Variants in RGS7BP observed in about 807,000 individuals in gnomAD.
RGS7BP encodes the protein regulator of G protein signaling 7 binding protein, also known as regulator of G protein signaling 7-binding protein.
In RGS7BP, 9 loss-of-function variants were observed where a neutral mutation model predicts 31.3. That is an observed-to-expected ratio of 0.29 (90% CI 0.17 to 0.50). The LOEUF is 0.50. RGS7BP is among the 20% of genes least tolerant of loss of function. RGS7BP has a pLI of 0.98. For missense variants in RGS7BP, 274 were observed against 322.0 expected (o/e 0.85, Z 1.14); for synonymous variants, 115 against 120.1 (o/e 0.96, Z 0.28).
chr5:64,556,973 A>C (rs150229865), intron 2 of RGS7BP, among the ~76,000 whole-genome samples: 1 of 152,296 alleles, frequency 6.6e-6, no homozygotes, highest in African/African-American at 2.4e-5. Context: ...AGGGAAATGA[A>C]TTAGTGCACA....
chr5:64,542,239 A>G (rs1185502851), intron 2 of RGS7BP, among the ~76,000 whole-genome samples: 1 of 152,216 alleles, frequency 6.6e-6, no homozygotes, highest in Non-Finnish European at 1.5e-5. Flanking sequence ...CCAACATGGA[A>G]GAGTTACTGA....
intron 2 of RGS7BP, among the ~76,000 whole-genome samples, chr5:64,544,931 C>G (rs1741616136): frequency 6.6e-6 from 1 of 152,244 alleles, no homozygotes; most frequent in Admixed American, 6.5e-5. Flanking sequence ...AATCCCAGCA[C>G]TTTGGGAGAC....
chr5:64,562,506 G>A (rs1742078407), intron 2 of RGS7BP, among the ~76,000 whole-genome samples: 1 of 152,058 alleles, frequency 6.6e-6, no homozygotes, highest in Admixed American at 6.6e-5. Context: ...AGAAACCCAG[G>A]GAGGGCTTTC....
At chr5:64,563,759 A>G (rs1046964624) in intron 2 of RGS7BP, among the ~76,000 whole-genome samples, 24 of 152,172 alleles carry the variant, frequency 1.6e-4, no homozygotes, top group African/African-American at 5.8e-4. Context: ...AATACACAAT[A>G]CGATTACTTT....
In RGS7BP at chr5:64,566,676, C is replaced by T. The variant is rs76888671; in HGVS notation, c.333-9098C>T. Among the ~76,000 whole-genome samples the T allele has an allele frequency of 7.7e-4, 117 of 151,990 alleles. No homozygotes were observed. The East Asian group carries it at 0.021, about 28-fold the overall frequency. ...TGAGGACAAGTAAAATTGAAGTCTA[C>T]ATGCTCTCAGTAGGGGAAATTCCCT... On this transcript the variant is annotated intron_variant, in intron 2 of 5. Coordinates refer to ENST00000334025, the MANE Select transcript of RGS7BP (RefSeq NM_001029875.3).
intron 2 of RGS7BP, among the ~76,000 whole-genome samples, chr5:64,571,026 G>T (rs528352665): frequency 1.3e-5 from 2 of 151,898 alleles, no homozygotes; most frequent in South Asian, 4.2e-4. Flanking sequence ...GTATACACCC[G>T]TGTAACTAAA....
chr5:64,575,392 A>G (rs1439109589), intron 2 of RGS7BP, among the ~76,000 whole-genome samples: 1 of 152,174 alleles, frequency 6.6e-6, no homozygotes, highest in Non-Finnish European at 1.5e-5. Context: ...TGGTAATTGA[A>G]TTGCTCTTGT....
Position 64,610,086 on chromosome 5 carries a change from T to C in RGS7BP, c.*834T>C, listed in dbSNP as rs781221919. 1.3e-5 allele frequency: 2 copies of C among 152,410 alleles called. No individual in the cohort carries two copies. Among genetic ancestry groups the C allele is most frequent in the Non-Finnish European group, 2.9e-5 (2 of 67,928 alleles). The allele number at this position is 152,410 out of a possible 1,614,324, so 9.4% of individuals were successfully genotyped here. ...TTTGTTCTAATTGAAATCTGAAGCA[T>C]GGTGTCTGCACATCAGCATAGTGTT... On this transcript the variant is annotated 3_prime_UTR_variant, in exon 6 of 6. Transcript: ENST00000334025.
chr5:64,550,736 CA>C (rs1214579306), intron 2 of RGS7BP, among the ~76,000 whole-genome samples: 180 of 142,864 alleles, frequency 1.3e-3, no homozygotes, highest in African/African-American at 4.3e-3. Flanking sequence ...CCCCCTCCCC[CA>C]ACCCTGCAAC....
intron 2 of RGS7BP, among the ~76,000 whole-genome samples, chr5:64,536,354 G>A (rs1449595290): frequency 6.6e-6 from 1 of 152,194 alleles, no homozygotes; most frequent in African/African-American, 2.4e-5. Flanking sequence ...ATGAGCATCA[G>A]ATATCTCAGG....
At chr5:64,510,809 G>A (rs1748813063) in intron 2 of RGS7BP, among the ~76,000 whole-genome samples, 2 of 152,194 alleles carry the variant, frequency 1.3e-5, no homozygotes, top group Non-Finnish European at 2.9e-5. Context: ...GAAGGGGTAT[G>A]AGCTATAGGG....
chr5:64,598,703 G>A (rs1347835472), intron 5 of RGS7BP, among the ~76,000 whole-genome samples: 1 of 152,116 alleles, frequency 6.6e-6, no homozygotes, highest in Non-Finnish European at 1.5e-5. Flanking sequence ...CACCATGCCA[G>A]GCACAGCAAG....
intron 2 of RGS7BP, among the ~76,000 whole-genome samples, chr5:64,513,468 G>A (rs1005393283): frequency 1.3e-5 from 2 of 152,100 alleles, no homozygotes; most frequent in Non-Finnish European, 2.9e-5. Flanking sequence ...ACTTCTAGTT[G>A]ATTTCTTGTT....
chr5:64,514,359 A>C (rs1044450772), intron 2 of RGS7BP, among the ~76,000 whole-genome samples: 23 of 152,188 alleles, frequency 1.5e-4, no homozygotes, highest in African/African-American at 5.6e-4. Context: ...AATTTAACCC[A>C]TGATAAATTT....
intron 3 of RGS7BP, among the ~76,000 whole-genome samples, chr5:64,576,236 T>G (rs1218378618): frequency 9.9e-5 from 15 of 152,114 alleles, no homozygotes; most frequent in Admixed American, 9.8e-4. Flanking sequence ...TATCCAAGAG[T>G]GCTATTTTCC....
At chr5:64,580,406 G>C (rs181406680) in intron 3 of RGS7BP, among the ~76,000 whole-genome samples, 4 of 152,216 alleles carry the variant, frequency 2.6e-5, no homozygotes, top group Admixed American at 1.3e-4. Flanking sequence ...AAGGCCCTGA[G>C]TCAAGATGCA....
intron 2 of RGS7BP, among the ~76,000 whole-genome samples, chr5:64,575,097 A>G (rs776800857): frequency 1.8e-4 from 27 of 152,308 alleles, no homozygotes; most frequent in Non-Finnish European, 2.9e-4. Context: ...ATGTTTTATC[A>G]TATTTAATAG....
At chr5:64,599,803 C>T (rs1480177480) in intron 5 of RGS7BP, among the ~76,000 whole-genome samples, 1 of 152,224 alleles carries the variant, frequency 6.6e-6, no homozygotes, top group African/African-American at 2.4e-5. Context: ...ACCAGCTTTG[C>T]ACCCTGGAAC....
intron 5 of RGS7BP, among the ~76,000 whole-genome samples, chr5:64,599,146 G>A (rs989635709): frequency 6.6e-6 from 1 of 152,170 alleles, no homozygotes; most frequent in African/African-American, 2.4e-5. Flanking sequence ...AATAACACCT[G>A]TCACAATCGA....
Sources: gnomAD v4.1 joint callset for allele counts (sites outside exome capture counted in the v4.1 genomes callset) on GRCh38, gnomAD v4.1.1 for gene constraint, MANE v1.5 for transcripts, NCBI Gene and HGNC (gene_info 2026-07-23, HGNC 2026-07-21) for gene names.